SGIP1: variants seen among roughly 807,000 people sequenced by gnomAD.
SGIP1 encodes the protein SH3-containing GRB2-like protein 3-interacting protein 1.
A neutral mutation model predicts 107.5 loss-of-function variants in SGIP1; 38 were observed. That is an observed-to-expected ratio of 0.35 (90% CI 0.27 to 0.46). SGIP1 has a LOEUF of 0.46. Ranked by LOEUF, SGIP1 falls within the 20% of genes least tolerant of loss-of-function variation. SGIP1 has a pLI of 1.00. For synonymous variants in SGIP1, 365 were observed against 366.1 expected (o/e 1.00, Z 0.03); for missense variants, 929 against 1,019.5 (o/e 0.91, Z 1.21).
rs892714355 is a variant in SGIP1 at position 66,743,748 on chromosome 1, A to C, written c.*653A>C. The C allele has an allele frequency of 2.0e-5, 3 of 152,596 alleles. No homozygotes were observed. Among genetic ancestry groups the C allele is most frequent in the Non-Finnish European group, 2.9e-5 (2 of 68,006 alleles). 9.5% of individuals were successfully genotyped at this position (152,596 alleles called of 1,614,324 possible). ...CCACTTTTTAAAAAGCTTTTTTTTC[A>C]AACTGCAAATTTCATAAAAATGCAA... On this transcript the variant is annotated 3_prime_UTR_variant, in exon 25 of 25. Transcript: ENST00000371037.
At chr1:66,734,230 CTTATT>C (rs1257819551) in intron 21 of SGIP1, among the ~76,000 whole-genome samples, 1 of 152,028 alleles carries the variant, frequency 6.6e-6, no homozygotes, top group African/African-American at 2.4e-5. Context: ...ACTAAAACCT[CTTATT>C]TTAAATGATT....
At chr1:66,716,069 G>A (rs1194924729) in intron 18 of SGIP1, among the ~76,000 whole-genome samples, 2 of 152,080 alleles carry the variant, frequency 1.3e-5, no homozygotes. Context: ...AGATCATTTA[G>A]ATAACAAGTG....
Position 66,733,856 on chromosome 1 carries a change from T to C in SGIP1, c.2007T>C (p.Tyr669=), listed in dbSNP as rs2094121395. The part of the protein sequence containing the change: ...VSEQKPQATY[Y]NVDMLKYQVS... The stretch of plus-strand genomic sequence containing the variant: ...AACAAAAACCCCAGGCTACATATTA[T>C]AACGTTGACATGCTCAAATATCAGG... Residue 669 remains tyrosine (Y), a synonymous_variant, in exon 21 of 25, where the codon TAT becomes TAC. Transcript: ENST00000371037. 6.2e-7 allele frequency: 1 copy of C among 1,613,372 alleles called. No individual in the cohort carries two copies. The highest frequency in any genetic ancestry group is 8.5e-7 in the Non-Finnish European group (1 of 1,179,642).
At chr1:66,579,317 C>A (rs2061504346) in intron 1 of SGIP1, among the ~76,000 whole-genome samples, 1 of 152,110 alleles carries the variant, frequency 6.6e-6, no homozygotes, top group Admixed American at 6.5e-5. Context: ...TCTGTAGAGA[C>A]CCCATTAAGG....
chr1:66,630,840 A>AG (rs1491371492), intron 2 of SGIP1, among the ~76,000 whole-genome samples: 11 of 16,372 alleles, frequency 6.7e-4, no homozygotes, highest in East Asian at 8.3e-3. Context: ...AGAAAGAAAG[A>AG]AAGAAAGAAA....
intron 18 of SGIP1, among the ~76,000 whole-genome samples, chr1:66,703,739 A>G (rs1485339073): frequency 2.6e-5 from 4 of 151,124 alleles, no homozygotes; most frequent in Non-Finnish European, 4.4e-5. Flanking sequence ...CATAACCTAC[A>G]GTATGATATA....
At chr1:66,689,388 T>A in intron 16 of SGIP1, 113 bp downstream of exon 16, 1 of 1,366,308 alleles carries the variant, frequency 7.3e-7, no homozygotes, top group Non-Finnish European at 9.9e-7. Flanking sequence ...CCCTGACAGG[T>A]GGCATCTGAA....
intron 18 of SGIP1, 40 bp from the exon 19 acceptor site, chr1:66,719,254 C>T: frequency 5.1e-6 from 7 of 1,377,932 alleles, no homozygotes; most frequent in Non-Finnish European, 7.2e-6. Flanking sequence ...TAAAGTGTCT[C>T]CTATTTTCAT....
At chr1:66,633,198 G>A in intron 3 of SGIP1, 104 bp downstream of exon 3, 1 of 771,670 alleles carries the variant, frequency 1.3e-6, no homozygotes. Context: ...AAAATAGCTT[G>A]AATGACTTTT....
chr1:66,557,931 T>TA (rs1294809607), intron 1 of SGIP1, among the ~76,000 whole-genome samples: 5 of 152,120 alleles, frequency 3.3e-5, no homozygotes, highest in Non-Finnish European at 1.5e-5. Context: ...TCAGATGCCT[T>TA]ATATGGTAGG....
At position 66,742,460 on chromosome 1, in the gene SGIP1, C is replaced by CTTTTTTTTTT. The variant is rs764080079; in HGVS notation, c.2465-595_2465-586dup. Among the ~76,000 whole-genome samples the CTTTTTTTTTT allele has an allele frequency of 1.6e-3, 70 of 45,106 alleles. 17 individuals are homozygous for CTTTTTTTTTT. Among genetic ancestry groups the CTTTTTTTTTT allele is most frequent in the African/African-American group, 4.2e-3 (43 of 10,160 alleles). The allele number at this position is 45,106 out of a possible 152,430, so 29.6% of individuals were successfully genotyped here. ...AATATAAGTTATATGAGCACCCTTTCTTTTTTTTTTTTTTTTTTTTTTTTT... is the reference window on the plus strand; with the variant it reads ...AATATAAGTTATATGAGCACCCTTTCTTTTTTTTTTTTTTTTTTTTTTTTTTTTTTTTTTT... On this transcript the variant is annotated intron_variant, in intron 24 of 24. Transcript: ENST00000371037.
chr1:66,536,130 G>T (rs993723924), intron 1 of SGIP1, among the ~76,000 whole-genome samples: 1 of 152,186 alleles, frequency 6.6e-6, no homozygotes, highest in Non-Finnish European at 1.5e-5. Context: ...TATCCAGGCT[G>T]CCTAAACCAA....
chr1:66,632,611 C>T (rs766631551), intron 2 of SGIP1, among the ~76,000 whole-genome samples: 1 of 152,116 alleles, frequency 6.6e-6, no homozygotes, highest in African/African-American at 2.4e-5. Flanking sequence ...CTGTGAATAG[C>T]CACTGCACTC....
intron 1 of SGIP1, among the ~76,000 whole-genome samples, chr1:66,540,791 TG>T (rs2054742514): frequency 6.6e-6 from 1 of 152,200 alleles, no homozygotes; most frequent in Non-Finnish European, 1.5e-5. Flanking sequence ...TGAGTCTAAG[TG>T]TTGTGACTGC....
intron 8 of SGIP1, among the ~76,000 whole-genome samples, chr1:66,665,605 CTA>C (rs1213262904): frequency 6.6e-6 from 1 of 152,166 alleles, no homozygotes; most frequent in African/African-American, 2.4e-5. Flanking sequence ...AAAAACATTC[CTA>C]TTTCTCCACA....
intron 7 of SGIP1, among the ~76,000 whole-genome samples, chr1:66,649,392 A>G (rs959240201): frequency 6.6e-6 from 1 of 152,202 alleles, no homozygotes; most frequent in African/African-American, 2.4e-5. Flanking sequence ...CTGCTTAGGT[A>G]AGGTACTTAA....
At chr1:66,621,693 C>T (rs924928963) in intron 1 of SGIP1, among the ~76,000 whole-genome samples, 2 of 152,212 alleles carry the variant, frequency 1.3e-5, no homozygotes, top group African/African-American at 4.8e-5. Context: ...AATGAAATCA[C>T]GTAATACGTG....
chr1:66,595,126 G>T (rs1252716242), intron 1 of SGIP1, among the ~76,000 whole-genome samples: 1 of 152,172 alleles, frequency 6.6e-6, no homozygotes, highest in African/African-American at 2.4e-5. Context: ...ACATTTATCA[G>T]ATTTGTTTTG....
intron 7 of SGIP1, among the ~76,000 whole-genome samples, chr1:66,654,139 C>T (rs962950643): frequency 6.6e-6 from 1 of 152,036 alleles, no homozygotes; most frequent in South Asian, 2.1e-4. Context: ...AAATGTATGC[C>T]GTATCTAGCT....
Sources: allele counts gnomAD v4.1 joint callset (sites outside exome capture counted in the v4.1 genomes callset), GRCh38; gene constraint gnomAD v4.1.1; transcripts MANE v1.5; gene names NCBI Gene and HGNC (gene_info 2026-07-23, HGNC 2026-07-21).